CPO: variants seen among roughly 807,000 people sequenced by gnomAD.
CPO encodes carboxypeptidase O.
CPO carries 43 observed loss-of-function variants against 41.2 expected under a neutral mutation model. The observed-to-expected ratio is 1.04, with a 90% CI of 0.82 to 1.35. The LOEUF is 1.35. Ranked by LOEUF, CPO falls within the 40% of genes most tolerant of loss-of-function variation. The probability of loss-of-function intolerance (pLI) is 0.00; values close to 1 mark genes in which losing one functional copy is unlikely to be tolerated. For synonymous variants in CPO, 178 were observed against 162.7 expected, an observed-to-expected ratio of 1.09 and a Z score of -0.72; for missense variants, 408 against 451.7, an observed-to-expected ratio of 0.90 and a Z score of 0.88.
intron 6 of CPO, among the ~76,000 whole-genome samples, chr2:206,961,513 C>T (rs1279116126): frequency 6.6e-6 from 1 of 152,134 alleles, no homozygotes; most frequent in Non-Finnish European, 1.5e-5. Flanking sequence ...ATGTGAGCCA[C>T]AGTAGCCCTA....
intron 1 of CPO, among the ~76,000 whole-genome samples, chr2:206,944,922 ATTGT>A (rs925170338): frequency 2.0e-5 from 3 of 152,096 alleles, no homozygotes; most frequent in Non-Finnish European, 4.4e-5. Flanking sequence ...GTAGTTTGGC[ATTGT>A]TTGAGGATAA....
At chr2:206,967,331 C>CTATATATATATATA (rs200615925) in intron 7 of CPO, among the ~76,000 whole-genome samples, 7 of 118,506 alleles carry the variant, frequency 5.9e-5, no homozygotes, top group African/African-American at 1.7e-4. Flanking sequence ...CTCTGAAATG[C>CTATATATATATATA]TATATATATA....
chr2:206,956,415 T>TCATCAG (rs145677433), intron 3 of CPO, among the ~76,000 whole-genome samples: 8,816 of 151,078 alleles, frequency 0.058, 303 homozygotes, highest in Non-Finnish European at 0.069. Context: ...ATCATCATCA[T>TCATCAG]CAGCAGCAGC....
At chr2:206,954,394 G>A (rs1283111747) in intron 2 of CPO, among the ~76,000 whole-genome samples, 2 of 106,948 alleles carry the variant, frequency 1.9e-5, no homozygotes, top group African/African-American at 3.0e-5. Flanking sequence ...CAGTCTCTTT[G>A]CTAAAGCATA....
chr2:206,947,050 T>C (rs1303935532), intron 1 of CPO, among the ~76,000 whole-genome samples: 1 of 152,168 alleles, frequency 6.6e-6, no homozygotes, highest in Non-Finnish European at 1.5e-5. Context: ...AGCAAGTTAC[T>C]TTGTGGTTAT....
At chr2:206,941,757 CAT>C (rs1317700922) in intron 1 of CPO, among the ~76,000 whole-genome samples, 1 of 152,248 alleles carries the variant, frequency 6.6e-6, no homozygotes, top group African/African-American at 2.4e-5. Context: ...TTATTCACTA[CAT>C]GTGATAATAG....
At chr2:206,950,719 T>C (rs988241489) in intron 2 of CPO, among the ~76,000 whole-genome samples, 2 of 152,170 alleles carry the variant, frequency 1.3e-5, no homozygotes, top group East Asian at 3.9e-4. Flanking sequence ...ATGTGGCACA[T>C]ATACACCATG....
In CPO at chr2:206,962,621, C is replaced by A. The variant is rs777438246; in HGVS notation, c.777+7C>A. ...AAGTAACCACCCAGAAATGGTGAGT[C>A]CATAGCACCAAGGCCTCCAGAAAAA... On this transcript the variant is annotated splice_region_variant and intron_variant, in intron 7 of 8. Transcript: ENST00000272852. 3 of 1,609,902 alleles carry A rather than the reference C, an allele frequency of 1.9e-6. No homozygotes were observed. The highest frequency in any genetic ancestry group is 2.2e-5 in the East Asian group (1 of 44,848).
chr2:206,962,286 A>T, intron 6 of CPO, 126 bp from the exon 7 acceptor site: 1 of 794,744 alleles, frequency 1.3e-6, no homozygotes, highest in Non-Finnish European at 2.1e-6. Flanking sequence ...GCCTGGACTA[A>T]CTCAGACAAC....
At chr2:206,948,498 T>C (rs762665690) in intron 1 of CPO, among the ~76,000 whole-genome samples, 26 of 152,164 alleles carry the variant, frequency 1.7e-4, no homozygotes, top group Non-Finnish European at 3.4e-4. Flanking sequence ...GCTCAGCGGC[T>C]CACACTTACA....
At chr2:206,941,177 G>A (rs1180595482) in intron 1 of CPO, among the ~76,000 whole-genome samples, 1 of 151,770 alleles carries the variant, frequency 6.6e-6, no homozygotes, top group Non-Finnish European at 1.5e-5. Context: ...ATGCAGCTCT[G>A]GGATACAACT....
intron 2 of CPO, among the ~76,000 whole-genome samples, chr2:206,955,135 G>A (rs1693333789): frequency 6.6e-6 from 1 of 152,216 alleles, no homozygotes; most frequent in African/African-American, 2.4e-5. Flanking sequence ...ATGATTGTGT[G>A]CCACATGAAA....
intron 7 of CPO, among the ~76,000 whole-genome samples, chr2:206,965,996 A>G (rs576533628): frequency 4.6e-5 from 7 of 152,292 alleles, no homozygotes; most frequent in African/African-American, 1.7e-4. Flanking sequence ...TGCTAAGCTG[A>G]GGATCACAAC....
chr2:206,946,451 AG>A (rs1693147550), intron 1 of CPO, among the ~76,000 whole-genome samples: 1 of 152,176 alleles, frequency 6.6e-6, no homozygotes, highest in Non-Finnish European at 1.5e-5. Context: ...TTAAAAAGGT[AG>A]TAGGGAACTT....
At chr2:206,959,188 A>C (rs939420292) in intron 4 of CPO, among the ~76,000 whole-genome samples, 2 of 152,208 alleles carry the variant, frequency 1.3e-5, no homozygotes, top group African/African-American at 2.4e-5. Context: ...GGAATAAGAA[A>C]TCTTTAAAAG....
intron 2 of CPO, among the ~76,000 whole-genome samples, chr2:206,952,120 C>CTTT (rs11456482): frequency 6.7e-6 from 1 of 149,246 alleles, no homozygotes; most frequent in Non-Finnish European, 1.5e-5. Flanking sequence ...CCTCAATTAA[C>CTTT]TTTTTTTTTT....
chr2:206,964,729 T>C (rs1693540325), intron 7 of CPO, among the ~76,000 whole-genome samples: 1 of 152,236 alleles, frequency 6.6e-6, no homozygotes, highest in Non-Finnish European at 1.5e-5. Flanking sequence ...ATGCTCCTTT[T>C]TCCCAGTTTC....
chr2:206,962,629 C>G lies in CPO; in HGVS notation c.777+15C>G, dbSNP rs773977989. ...ACCCAGAAATGGTGAGTCCATAGCA[C>G]CAAGGCCTCCAGAAAAACCTCAGCA... is the stretch of plus-strand genomic sequence containing the variant. On this transcript the variant is annotated intron_variant, in intron 7 of 8. Transcript: ENST00000272852. The G allele has an allele frequency of 7.5e-6, 12 of 1,601,072 alleles. No homozygotes were observed. Among genetic ancestry groups the G allele is most frequent in the Non-Finnish European group, 1.0e-5 (12 of 1,168,808 alleles).
chr2:206,959,178 G>C (rs888146210), intron 4 of CPO, among the ~76,000 whole-genome samples: 1 of 152,094 alleles, frequency 6.6e-6, no homozygotes, highest in Non-Finnish European at 1.5e-5. Flanking sequence ...CTCCCTTGAG[G>C]GAATAAGAAA....
Sources: gnomAD v4.1 joint callset for allele counts (sites outside exome capture counted in the v4.1 genomes callset) on GRCh38, gnomAD v4.1.1 for gene constraint, MANE v1.5 for transcripts, NCBI Gene and HGNC (gene_info 2026-07-23, HGNC 2026-07-21) for gene names.